Variants in DPP6 observed in about 807,000 individuals in gnomAD.
The protein encoded by DPP6 is dipeptidyl peptidase like 6.
DPP6 carries 69 observed loss-of-function variants against 122.6 expected under a neutral mutation model. That is an observed-to-expected ratio of 0.56 (90% CI 0.46 to 0.69). DPP6 has a LOEUF of 0.69. Among genes scored for constraint, DPP6 ranks in the 30% least tolerant of loss-of-function variants. DPP6 has a pLI of 0.00. For missense variants in DPP6, 928 were observed against 1,116.9 expected, an observed-to-expected ratio of 0.83 and a Z score of 2.41; for synonymous variants, 418 against 433.1, an observed-to-expected ratio of 0.97 and a Z score of 0.43.
chr7:154,677,246 G>C (rs1024445587), intron 7 of DPP6, among the ~76,000 whole-genome samples: 1 of 151,974 alleles, frequency 6.6e-6, no homozygotes, highest in African/African-American at 2.4e-5. Context: ...TTCTTAATAC[G>C]CCAACAGCGA....
intron 5 of DPP6, among the ~76,000 whole-genome samples, chr7:154,609,151 A>T (rs1833755149): frequency 6.6e-6 from 1 of 152,204 alleles, no homozygotes; most frequent in Non-Finnish European, 1.5e-5. Flanking sequence ...GCATCTAGAT[A>T]TTTCCCTTAT....
intron 1 of DPP6, among the ~76,000 whole-genome samples, chr7:154,114,333 C>G (rs1806821277): frequency 6.6e-6 from 1 of 152,126 alleles, no homozygotes; most frequent in Non-Finnish European, 1.5e-5. Flanking sequence ...CTTTCTGACT[C>G]TTGGTTTTGT....
chr7:154,429,683 C>T (rs373370817), intron 1 of DPP6, among the ~76,000 whole-genome samples: 4 of 152,066 alleles, frequency 2.6e-5, no homozygotes, highest in African/African-American at 4.8e-5. Flanking sequence ...AACAGGTGCC[C>T]GCCTCGGAAT....
At chr7:153,916,143 T>G (rs1308686700) in intron 1 of DPP6, among the ~76,000 whole-genome samples, 1 of 151,606 alleles carries the variant, frequency 6.6e-6, no homozygotes, top group African/African-American at 2.4e-5. Flanking sequence ...ATGTTTTTTT[T>G]TTTGTATTTT....
Position 153,964,083 on chromosome 7 carries a change from T to C in DPP6, c.51+76349T>C, listed in dbSNP as rs1222228444. Among the ~76,000 whole-genome samples the C allele has an allele frequency of 2.0e-5, 3 of 152,184 alleles. No homozygotes were observed. The South Asian group carries it at 6.2e-4, about 32-fold the overall frequency. On this transcript the variant is annotated intron_variant, in intron 1 of 25. Coordinates refer to the DPP6 transcript ENST00000404039. Reference sequence around the variant, plus strand: ...CGATCTCAGCTCACTGCAATCTCCATCTCCCGGGCTCAAGTGATTCTCCTG... The same window carrying C: ...CGATCTCAGCTCACTGCAATCTCCACCTCCCGGGCTCAAGTGATTCTCCTG...
intron 4 of DPP6, among the ~76,000 whole-genome samples, chr7:154,552,564 G>A (rs1019961193): frequency 6.6e-6 from 1 of 152,202 alleles, no homozygotes; most frequent in Non-Finnish European, 1.5e-5. Flanking sequence ...AGCTGTGCTG[G>A]ATGGTCCATG....
rs78057940 is a variant in DPP6 at position 154,268,159 on chromosome 7, G to C, written c.244-178055G>C. 3.8e-3 allele frequency among the ~76,000 whole-genome samples: 586 copies of C among 152,264 alleles called. 1 individual carries two copies. Among genetic ancestry groups the C allele is most frequent in the Admixed American group, 6.3e-3 (96 of 15,286 alleles). ...TTCTAAAAAATGCCCAGCACTTGCTGTTTCTATGAGGAATAAAAGTGATTG... is the reference window on the plus strand; with the variant it reads ...TTCTAAAAAATGCCCAGCACTTGCTCTTTCTATGAGGAATAAAAGTGATTG... On this transcript the variant is annotated intron_variant, in intron 1 of 25. Transcript: ENST00000377770.
intron 1 of DPP6, among the ~76,000 whole-genome samples, chr7:154,350,392 A>T (rs901443100): frequency 3.9e-5 from 6 of 152,152 alleles, no homozygotes; most frequent in African/African-American, 1.4e-4. Context: ...TCCACAGAGG[A>T]TTCTGTCCTG....
chr7:154,758,049 G>C (rs187997103), intron 8 of DPP6, among the ~76,000 whole-genome samples: 1 of 151,556 alleles, frequency 6.6e-6, no homozygotes. Flanking sequence ...CGCACCTTCC[G>C]TCTTCACTGA....
intron 5 of DPP6, among the ~76,000 whole-genome samples, chr7:154,604,095 A>C (rs1053929696): frequency 8.3e-6 from 1 of 120,990 alleles, no homozygotes; most frequent in Non-Finnish European, 1.9e-5. Context: ...AAAGTCATAC[A>C]TTTTGTTTGG....
chr7:154,361,159 AG>A (rs1352321390), intron 1 of DPP6, among the ~76,000 whole-genome samples: 9 of 152,034 alleles, frequency 5.9e-5, no homozygotes, highest in African/African-American at 2.2e-4. Flanking sequence ...TGGATTCCGT[AG>A]GCCAGTGGCC....
rs1427047301 is a variant in DPP6 at position 154,795,867 on chromosome 7, C to T, written c.1283C>T (p.Ala428Val). The T allele has an allele frequency of 6.2e-7, 1 of 1,612,698 alleles. No individual in the cohort carries two copies. The highest frequency in any genetic ancestry group is 8.5e-7 in the Non-Finnish European group (1 of 1,179,368). Residue 428 changes from alanine (A) to valine (V), a missense_variant, in exon 12 of 26, where the codon GCC (alanine) becomes GTC (valine). Physicochemically the swap from Ala to Val is moderately conservative, Grantham distance 64. Coordinates refer to ENST00000377770, the MANE Select transcript of DPP6 (RefSeq NM_130797.4). ...CAGAAACACGAGGATGAAAGTGAGG[C>T]CTGGCTCCACAGACAGGTAACTACT... ...CTKKHEDESE[A>V]WLHRQNEEPV...
At chr7:154,489,365 G>C (rs943161921) in intron 3 of DPP6, among the ~76,000 whole-genome samples, 2 of 152,140 alleles carry the variant, frequency 1.3e-5, no homozygotes, top group Non-Finnish European at 2.9e-5. Context: ...TGCTCCCTTC[G>C]CAAGCTGAGT....
At chr7:154,746,362 A>G (rs1843036153) in intron 8 of DPP6, among the ~76,000 whole-genome samples, 1 of 152,154 alleles carries the variant, frequency 6.6e-6, no homozygotes, top group African/African-American at 2.4e-5. Flanking sequence ...TGAGGTTAGG[A>G]CACAGCACTG....
intron 16 of DPP6, among the ~76,000 whole-genome samples, chr7:154,822,440 C>T (rs1799854461): frequency 6.6e-6 from 1 of 152,136 alleles, no homozygotes; most frequent in African/African-American, 2.4e-5. Context: ...CCTCCACCCT[C>T]GTGATTTAAT....
chr7:153,969,373 C>G lies in DPP6; in HGVS notation c.51+81639C>G, dbSNP rs1795916103. ...GGTGATTTTGACAGTTTTGTTCGAGCTGCTTTAACAGAAGAGCGGCTTTTT... is the reference window on the plus strand; with the variant it reads ...GGTGATTTTGACAGTTTTGTTCGAGGTGCTTTAACAGAAGAGCGGCTTTTT... On this transcript the variant is annotated intron_variant, in intron 1 of 25. Coordinates refer to the DPP6 transcript ENST00000404039. Among the ~76,000 whole-genome samples the G allele has an allele frequency of 1.4e-5, 2 of 146,306 alleles. 1 individual carries two copies. The highest frequency in any genetic ancestry group is 5.4e-5 in the African/African-American group (2 of 36,922).
chr7:153,754,497 A>G, the DPP6 span, among the ~76,000 whole-genome samples: 1 of 152,066 alleles, frequency 6.6e-6, no homozygotes, highest in Non-Finnish European at 1.5e-5. Flanking sequence ...GGTTTTCAAT[A>G]TTTCAATACT....
At position 154,821,594 on chromosome 7, in the gene DPP6, G is replaced by C. The variant is rs1371298739; in HGVS notation, c.1666+14482G>C. On this transcript the variant is annotated intron_variant, in intron 16 of 25. Transcript: ENST00000377770. The surrounding 1 kb of genome is among the most constrained non-coding windows in gnomAD (Gnocchi z 4.2). ...GGCACAATCAGTTTTCAAATGAAAT[G>C]TTAAGTGAATATATATATATATATT... 1.6e-5 allele frequency among the ~76,000 whole-genome samples: 2 copies of C among 125,314 alleles called. No homozygotes were observed. The highest frequency in any genetic ancestry group is 5.9e-5 in the African/African-American group (2 of 34,110). The allele number at this position is 125,314 out of a possible 152,430, so 82.2% of individuals were successfully genotyped here.
intron 7 of DPP6, among the ~76,000 whole-genome samples, chr7:154,723,488 A>C (rs1458135146): frequency 1.3e-5 from 2 of 152,070 alleles, no homozygotes; most frequent in African/African-American, 4.8e-5. Flanking sequence ...AAAAGCTAAA[A>C]CTTAGTAATA....
Sources: gnomAD v4.1 joint callset for allele counts (sites outside exome capture counted in the v4.1 genomes callset) on GRCh38, gnomAD v4.1.1 for gene constraint, Gnocchi (gnomAD v3.1) non-coding constraint, MANE v1.5 for transcripts, NCBI Gene and HGNC (gene_info 2026-07-23, HGNC 2026-07-21) for gene names.